PTK7: variants seen among roughly 807,000 people sequenced by gnomAD.
PTK7 encodes the protein inactive tyrosine-protein kinase 7.
PTK7 carries 39 observed loss-of-function variants against 116.6 expected under a neutral mutation model. The observed-to-expected ratio is 0.33, with a 90% confidence interval of 0.26 to 0.44. The LOEUF (loss-of-function observed/expected upper bound fraction) is 0.44, where lower values mean the gene tolerates loss of function less well. Among genes scored for constraint, PTK7 ranks in the 20% least tolerant of loss-of-function variants. PTK7 has a pLI of 1.00. For missense variants in PTK7, 1,169 were observed against 1,425.6 expected (o/e 0.82, Z 2.90); for synonymous variants, 546 against 563.6 (o/e 0.97, Z 0.44).
chr6:43,145,157 G>T lies in PTK7; in HGVS notation c.2408-43G>T. 1 of 1,540,730 alleles carries T rather than the reference G, an allele frequency of 6.5e-7. No homozygotes were observed. The highest frequency in any genetic ancestry group is 1.2e-5 in the South Asian group (1 of 80,362). Reference sequence around the variant, plus strand: ...CCTCCCCCAGGTCAGGAGCTGCCTCGGCCTGGGTGAAGGTGGCTGGCTGAC... The same window carrying T: ...CCTCCCCCAGGTCAGGAGCTGCCTCTGCCTGGGTGAAGGTGGCTGGCTGAC... On this transcript the variant is annotated intron_variant, in intron 15 of 19. Coordinates refer to ENST00000230419, the MANE Select transcript of PTK7 (RefSeq NM_002821.5). The surrounding 1 kb of genome is among the most constrained non-coding windows in gnomAD (Gnocchi z 4.8).
Position 43,145,238 on chromosome 6 carries a change from C to A in PTK7, c.2446C>A (p.Gln816Lys). The A allele has an allele frequency of 6.2e-7, 1 of 1,613,124 alleles. No individual in the cohort carries two copies. Among genetic ancestry groups the A allele is most frequent in the South Asian group, 1.1e-5 (1 of 90,982 alleles). The change falls in exon 16 of 20, where the codon CAG becomes AAG. Residue 816 changes from glutamine to lysine, a missense_variant. Physicochemically the swap from Gln to Lys is moderately conservative, Grantham distance 53. Coordinates refer to ENST00000230419, the MANE Select transcript of PTK7 (RefSeq NM_002821.5). This position sits in a 1 kb window ranked among gnomAD's most constrained non-coding sequence, Gnocchi z 4.8. ...TGGGGAGGTGTTCCTGGCAAAGGCT[C>A]AGGGCTTGGAGGAGGGAGTGGCAGA... ...EFGEVFLAKAQGLEEGVAETL... is the reference protein window; with the variant it reads ...EFGEVFLAKAKGLEEGVAETL...
chr6:43,142,356 C>G, intron 13 of PTK7, 57 bp downstream of exon 13: 2 of 1,612,024 alleles, frequency 1.2e-6, no homozygotes, highest in South Asian at 2.2e-5. Flanking sequence ...ACGTTTGTCA[C>G]CTTGTACTCA....
At position 43,142,098 on chromosome 6, in the gene PTK7, C is replaced by T. The variant is rs1407755983; in HGVS notation, c.1919+17C>T. ...GGGACCCAGGTAGGGCCACCTCTCTCCCACACCCGTCCCTCCTCTCCTGCA... is the reference window on the plus strand; with the variant it reads ...GGGACCCAGGTAGGGCCACCTCTCTTCCACACCCGTCCCTCCTCTCCTGCA... On this transcript the variant is annotated intron_variant, in intron 12 of 19. Coordinates refer to ENST00000230419, the MANE Select transcript of PTK7 (RefSeq NM_002821.5). 1 of 1,612,428 alleles carries T rather than the reference C, an allele frequency of 6.2e-7. No homozygotes were observed. The highest frequency in any genetic ancestry group is 1.7e-5 in the Admixed American group (1 of 59,936).
chr6:43,131,028 A>ACCACACAC (rs1491535973), intron 5 of PTK7, among the ~76,000 whole-genome samples: 7 of 88,388 alleles, frequency 7.9e-5, no homozygotes, highest in African/African-American at 3.3e-4. Context: ...TGGCAAAGAC[A>ACCACACAC]TCACACACAC....
chr6:43,081,549 T>C (rs1766380329), intron 1 of PTK7, among the ~76,000 whole-genome samples: 1 of 151,960 alleles, frequency 6.6e-6, no homozygotes, highest in South Asian at 2.1e-4. Context: ...GGTTTACAGG[T>C]GTGTGCCACT....
intron 17 of PTK7, among the ~76,000 whole-genome samples, chr6:43,150,009 A>G (rs1452126310): frequency 6.6e-6 from 1 of 152,186 alleles, no homozygotes; most frequent in Non-Finnish European, 1.5e-5. Context: ...TTAGTGACAG[A>G]AATCAAAGAC....
intron 17 of PTK7, among the ~76,000 whole-genome samples, chr6:43,147,283 C>T (rs1770780920): frequency 6.6e-6 from 1 of 152,222 alleles, no homozygotes; most frequent in African/African-American, 2.4e-5. Flanking sequence ...CTGGCTGGGG[C>T]CCCTGTGGTA....
chr6:43,114,751 C>G (rs1472496256), intron 1 of PTK7, among the ~76,000 whole-genome samples: 1 of 152,036 alleles, frequency 6.6e-6, no homozygotes, highest in Non-Finnish European at 1.5e-5. Flanking sequence ...CTTTTGGCAT[C>G]TGGTGATGAG....
intron 1 of PTK7, among the ~76,000 whole-genome samples, chr6:43,081,996 C>T (rs761188670): frequency 6.6e-6 from 1 of 152,054 alleles, no homozygotes; most frequent in Non-Finnish European, 1.5e-5. Context: ...AAGTTCTGTG[C>T]GTGGGTAAGC....
intron 7 of PTK7, among the ~76,000 whole-genome samples, chr6:43,134,453 G>T (rs1321400747): frequency 1.3e-5 from 2 of 152,072 alleles, no homozygotes; most frequent in Admixed American, 6.6e-5. Context: ...TTGAGACCAG[G>T]CTGGACAAAA....
At chr6:43,117,013 G>GAC (rs1481976111) in intron 1 of PTK7, among the ~76,000 whole-genome samples, 3 of 151,742 alleles carry the variant, frequency 2.0e-5, no homozygotes, top group Non-Finnish European at 2.9e-5. Context: ...TAATAGGGAC[G>GAC]GGGTTTCACC....
chr6:43,134,142 G>A (rs780806464), intron 7 of PTK7, among the ~76,000 whole-genome samples: 1 of 152,160 alleles, frequency 6.6e-6, no homozygotes, highest in Non-Finnish European at 1.5e-5. Flanking sequence ...AGGTTCAAGT[G>A]ATTCTCGTGC....
In PTK7 at chr6:43,144,301, T is replaced by C. The variant is rs45569831; in HGVS notation, c.2252-150T>C. 871 of 916,414 alleles carry C rather than the reference T, an allele frequency of 9.5e-4. 1 individual carries two copies. The highest frequency in any genetic ancestry group is 1.3e-3 in the Non-Finnish European group (755 of 599,628). 56.8% of individuals were successfully genotyped at this position (916,414 alleles called of 1,614,324 possible). A position where few individuals can be genotyped will look rare whatever the true frequency, so the allele number is the denominator to read the frequency against. ...ATCCCCCACCCAGCCCCAGCCCCAT[T>C]ATTTCATCATTTGGGCTTGCCCTTT... On this transcript the variant is annotated intron_variant, in intron 14 of 19. Transcript: ENST00000230419.
At chr6:43,157,381 T>C (rs1379690854) in intron 17 of PTK7, among the ~76,000 whole-genome samples, 89 of 105,562 alleles carry the variant, frequency 8.4e-4, no homozygotes, top group East Asian at 1.5e-3. Flanking sequence ...TTTTTCTTTT[T>C]TTTTTTTTTT....
intron 1 of PTK7, among the ~76,000 whole-genome samples, chr6:43,115,391 G>A (rs1768447110): frequency 6.6e-6 from 1 of 152,166 alleles, no homozygotes; most frequent in Non-Finnish European, 1.5e-5. Context: ...TATCTGGGAA[G>A]ATCTGATGGT....
intron 7 of PTK7, among the ~76,000 whole-genome samples, chr6:43,136,761 G>C (rs755375595): frequency 5.3e-5 from 8 of 152,156 alleles, no homozygotes; most frequent in African/African-American, 1.2e-4. Context: ...AGTATTTTAG[G>C]AGGCCAAGGT....
rs1306598094 is a variant in PTK7 at position 43,145,577 on chromosome 6, C to T, written c.2640+145C>T. On this transcript the variant is annotated intron_variant, in intron 16 of 19. Coordinates refer to ENST00000230419, the MANE Select transcript of PTK7 (RefSeq NM_002821.5). This position sits in a 1 kb window ranked among gnomAD's most constrained non-coding sequence, Gnocchi z 4.8. ...CACCTGCCTGCTGTTACACTTTGCCCACCTTATGATGCTCAGCTTCTGCCT... is the reference window on the plus strand; with the variant it reads ...CACCTGCCTGCTGTTACACTTTGCCTACCTTATGATGCTCAGCTTCTGCCT... 3 of 544,438 alleles carry T rather than the reference C, an allele frequency of 5.5e-6. No individual in the cohort carries two copies. Among genetic ancestry groups the T allele is most frequent in the Non-Finnish European group, 9.1e-6 (3 of 331,064 alleles). The allele number at this position is 544,438 out of a possible 1,614,324, so 33.7% of individuals were successfully genotyped here. A position where few individuals can be genotyped will look rare whatever the true frequency, so the allele number is the denominator to read the frequency against.
intron 1 of PTK7, among the ~76,000 whole-genome samples, chr6:43,079,487 C>T (rs1253286259): frequency 2.1e-5 from 3 of 140,116 alleles, no homozygotes; most frequent in African/African-American, 8.1e-5. Flanking sequence ...GGTGACAGAG[C>T]GAGACTCCGT....
chr6:43,101,248 G>A (rs1337091514), intron 1 of PTK7, among the ~76,000 whole-genome samples: 1 of 129,162 alleles, frequency 7.7e-6, no homozygotes, highest in East Asian at 2.6e-4. Context: ...AAAGAAAGAG[G>A]CTGGGCGCGG....
Sources: gnomAD v4.1 joint callset for allele counts (sites outside exome capture counted in the v4.1 genomes callset) on GRCh38, gnomAD v4.1.1 for gene constraint, Gnocchi (gnomAD v3.1) non-coding constraint, MANE v1.5 for transcripts, NCBI Gene and HGNC (gene_info 2026-07-23, HGNC 2026-07-21) for gene names.